Variants in FAM171B observed in about 807,000 individuals in gnomAD.
FAM171B encodes the protein family with sequence similarity 171 member B.
Under a neutral mutation model 75.6 loss-of-function variants are expected in FAM171B, and 19 were observed. The ratio of observed to expected loss-of-function variants is 0.25; its 90% confidence interval spans 0.18 to 0.37. FAM171B has a LOEUF of 0.37. Ranked by LOEUF, FAM171B falls within the 10% of genes least tolerant of loss-of-function variation. FAM171B has a pLI of 1.00. For synonymous variants in FAM171B, 367 were observed against 361.7 expected, an observed-to-expected ratio of 1.01 and a Z score of -0.17; for missense variants, 848 against 982.4, an observed-to-expected ratio of 0.86 and a Z score of 1.83.
intron 1 of FAM171B, among the ~76,000 whole-genome samples, chr2:186,707,206 T>C (rs1190821680): frequency 6.6e-6 from 1 of 152,102 alleles, no homozygotes; most frequent in Non-Finnish European, 1.5e-5. Flanking sequence ...CCAAAATAAA[T>C]ATTTCCTTCC....
Position 186,762,784 on chromosome 2 carries a change from G to C in FAM171B, c.2442G>C (p.Trp814Cys). 1 of 1,612,996 alleles carries C rather than the reference G, an allele frequency of 6.2e-7. No individual in the cohort carries two copies. Among genetic ancestry groups the C allele is most frequent in the Non-Finnish European group, 8.5e-7 (1 of 1,179,420 alleles). ...LAKRDSKTNI[W>C]KKREERPLIP... is the part of the protein sequence containing the mutation. ...AAAGAGATAGCAAGACTAACATCTG[G>C]AAGAAGCGAGAGGAACGCCCACTGA... is the stretch of plus-strand genomic sequence containing the variant. Residue 814 changes from tryptophan (W) to cysteine (C), a missense_variant, in exon 8 of 8, where the codon TGG becomes TGC. Physicochemically the swap from Trp to Cys is radical, Grantham distance 215 (BLOSUM62 -2). Transcript: ENST00000304698. The surrounding 1 kb of genome is among the most constrained non-coding windows in gnomAD (Gnocchi z 4.0).
At chr2:186,743,373 G>T (rs964441404) in intron 2 of FAM171B, 110 bp from the exon 3 acceptor site, 10 of 627,304 alleles carry the variant, frequency 1.6e-5, no homozygotes, top group East Asian at 1.2e-4. Context: ...TCAAGCATTT[G>T]TTCCCCCCCA....
chr2:186,748,798 G>T (rs1021506326), intron 4 of FAM171B, among the ~76,000 whole-genome samples: 11 of 152,206 alleles, frequency 7.2e-5, no homozygotes, highest in African/African-American at 2.4e-4. Context: ...GCTTGAGGAA[G>T]CCAAACTAAG....
chr2:186,743,500 C>A lies in FAM171B; in HGVS notation c.490C>A (p.Leu164Ile). The change falls in exon 3 of 8, where the codon CTT becomes ATT. Residue 164 changes from leucine to isoleucine, a missense_variant. Transcript: ENST00000304698. ...TTTCACAGTATATTCATCAGTTACACTTTCACTGTTCCCGCAAAGCCAAGC... is the reference window on the plus strand; with the variant it reads ...TTTCACAGTATATTCATCAGTTACAATTTCACTGTTCCCGCAAAGCCAAGC... Reference protein sequence around the residue: ...RRMPIYSSVTLSLFPQSQANI... With the variant: ...RRMPIYSSVTISLFPQSQANI... The A allele has an allele frequency of 6.2e-7, 1 of 1,611,192 alleles. No homozygotes were observed. The highest frequency in any genetic ancestry group is 2.2e-5 in the East Asian group (1 of 44,792).
rs1021547359 is a variant in FAM171B, at chr2:186,700,924, C to CT, written c.238+6523dup. The stretch of plus-strand genomic sequence containing the variant: ...TAAAATAATTTAAACTTCTCTTTAA[C>CT]TTTTTTTTTTCATACGGACTCTTGC... On this transcript the variant is annotated intron_variant, in intron 1 of 7. Coordinates refer to ENST00000304698, the MANE Select transcript of FAM171B (RefSeq NM_177454.4). 9.5e-3 allele frequency among the ~76,000 whole-genome samples: 1,429 copies of CT among 150,126 alleles called. 21 individuals carry two copies. Among genetic ancestry groups the CT allele is most frequent in the African/African-American group, 0.033 (1,347 of 40,970 alleles).
chr2:186,761,290 T>C (rs2105793557), intron 7 of FAM171B, 54 bp downstream of exon 7: 1 of 1,591,732 alleles, frequency 6.3e-7, no homozygotes, highest in Non-Finnish European at 8.5e-7. Context: ...ATCATTTCAG[T>C]ATATTCTGTA....
intron 6 of FAM171B, among the ~76,000 whole-genome samples, chr2:186,758,093 G>T (rs1260835733): frequency 6.6e-6 from 1 of 151,934 alleles, no homozygotes; most frequent in Non-Finnish European, 1.5e-5. Context: ...TAACCTTAAA[G>T]CTTCATTCAA....
At chr2:186,696,841 G>A (rs528677567) in intron 1 of FAM171B, among the ~76,000 whole-genome samples, 11 of 147,030 alleles carry the variant, frequency 7.5e-5, no homozygotes, top group African/African-American at 2.8e-4. Flanking sequence ...TCTCCTCCAT[G>A]GTACTCATTA....
At chr2:186,696,219 A>C (rs1453100338) in intron 1 of FAM171B, among the ~76,000 whole-genome samples, 1 of 152,134 alleles carries the variant, frequency 6.6e-6, no homozygotes, top group Non-Finnish European at 1.5e-5. Flanking sequence ...GAAGTAACCT[A>C]TGATGATTCT....
intron 1 of FAM171B, among the ~76,000 whole-genome samples, chr2:186,738,459 G>A (rs1307319377): frequency 6.6e-6 from 1 of 152,078 alleles, no homozygotes; most frequent in Non-Finnish European, 1.5e-5. Context: ...GAATGGGGGA[G>A]TGCATGCAGA....
At chr2:186,720,700 CAAAAA>C (rs71411184) in intron 1 of FAM171B, among the ~76,000 whole-genome samples, 4 of 110,250 alleles carry the variant, frequency 3.6e-5, no homozygotes, top group African/African-American at 1.1e-4. Flanking sequence ...AGATCATGTA[CAAAAA>C]AAAAAAAAAA....
chr2:186,717,517 G>C (rs1032810772), intron 1 of FAM171B, among the ~76,000 whole-genome samples: 2 of 152,128 alleles, frequency 1.3e-5, no homozygotes, highest in South Asian at 4.1e-4. Flanking sequence ...CCAGGAGGAC[G>C]GTAGATGAGT....
chr2:186,720,388 G>A (rs935200484), intron 1 of FAM171B, among the ~76,000 whole-genome samples: 1 of 152,062 alleles, frequency 6.6e-6, no homozygotes, highest in Admixed American at 6.6e-5. Flanking sequence ...CTTAATACAT[G>A]CTCACTGTAG....
intron 1 of FAM171B, among the ~76,000 whole-genome samples, chr2:186,705,805 T>C (rs1053501161): frequency 1.3e-5 from 2 of 152,216 alleles, no homozygotes; most frequent in Admixed American, 6.5e-5. Flanking sequence ...TTAGAACGCA[T>C]GTATCTCCGT....
At chr2:186,722,543 A>T (rs1431565213) in intron 1 of FAM171B, among the ~76,000 whole-genome samples, 1 of 152,212 alleles carries the variant, frequency 6.6e-6, no homozygotes, top group Non-Finnish European at 1.5e-5. Context: ...ACTTGAATGC[A>T]TGATACAGTG....
chr2:186,736,567 G>GTGTGTGTTGGA (rs55683607), intron 1 of FAM171B, among the ~76,000 whole-genome samples: 1 of 104,590 alleles, frequency 9.6e-6, no homozygotes, highest in South Asian at 3.5e-4. Flanking sequence ...TGTGTGTGTG[G>GTGTGTGTTGGA]GAGAGAGAGA....
At position 186,694,320 on chromosome 2, in the gene FAM171B, G is replaced by GCAACAA. The variant is rs71017336; in HGVS notation, c.159_164dup (p.Gln55_Gln56dup). The GCAACAA allele has an allele frequency of 1.4e-4, 216 of 1,570,414 alleles. 1 individual carries two copies. The highest frequency in any genetic ancestry group is 4.2e-4 in the African/African-American group (31 of 73,562). On this transcript the variant is annotated inframe_insertion, in exon 1 of 8. Transcript: ENST00000304698. ...TCATCCAACAGCAGCAGCAGCAGCA[G>GCAACAA]CAACAACAACAACAACAGCAAAAGC...
At chr2:186,755,255 C>T (rs2105791323) in intron 6 of FAM171B, among the ~76,000 whole-genome samples, 1 of 152,238 alleles carries the variant, frequency 6.6e-6, no homozygotes, top group Admixed American at 6.5e-5. Flanking sequence ...GGCATAAAAT[C>T]AAATTGCTTC....
intron 1 of FAM171B, among the ~76,000 whole-genome samples, chr2:186,723,029 G>A (rs1252815129): frequency 6.6e-6 from 1 of 152,148 alleles, no homozygotes; most frequent in Non-Finnish European, 1.5e-5. Context: ...CTTTTGGCCT[G>A]GAGATGATAT....
Sources: gnomAD v4.1 joint callset for allele counts (sites outside exome capture counted in the v4.1 genomes callset) on GRCh38, gnomAD v4.1.1 for gene constraint, Gnocchi (gnomAD v3.1) non-coding constraint, MANE v1.5 for transcripts, NCBI Gene and HGNC (gene_info 2026-07-23, HGNC 2026-07-21) for gene names.